The following TXNRD3 variants were observed in gnomAD, a reference collection of about 807,000 sequenced individuals.
The protein encoded by TXNRD3 is TXNRD3 neighbor gene protein.
In TXNRD3, 68 loss-of-function variants were observed where a neutral mutation model predicts 78.2. The ratio of observed to expected loss-of-function variants is 0.87; its 90% confidence interval spans 0.72 to 1.06. The LOEUF (loss-of-function observed/expected upper bound fraction) is 1.06. TXNRD3 is among the 50% of genes least tolerant of loss of function. The probability of loss-of-function intolerance (pLI) is 0.00; values close to 1 mark genes in which losing one functional copy is unlikely to be tolerated. For synonymous variants in TXNRD3, 296 were observed against 300.1 expected, an observed-to-expected ratio of 0.99 and a Z score of 0.14; for missense variants, 751 against 809.5, an observed-to-expected ratio of 0.93 and a Z score of 0.88.
At position 126,630,923 on chromosome 3, in the gene TXNRD3, GA is replaced by G. The variant is rs1559775443; in HGVS notation, c.985del (p.Ser329LeufsTer10). On this transcript the variant is annotated frameshift_variant, in exon 9 of 16. Transcript: ENST00000524230. LOFTEE classifies it high-confidence loss of function. ...TGTTTTGCCAGGGCAATAAGGCAGAGAAAAAAGGTCATCACTGAAAAATAAA... is the reference window on the plus strand; with the variant it reads ...TGTTTTGCCAGGGCAATAAGGCAGAGAAAAAGGTCATCACTGAAAAATAAA... 3.3e-6 allele frequency: 5 copies of G among 1,531,534 alleles called. No homozygotes were observed. In the Admixed American group the frequency reaches 8.0e-5, roughly 25 times the overall value. The allele number at this position is 1,531,534 out of a possible 1,614,324, so 94.9% of individuals were successfully genotyped here.
chr3:126,628,498 A>C (rs1248505013), intron 10 of TXNRD3, among the ~76,000 whole-genome samples: 2 of 152,138 alleles, frequency 1.3e-5, no homozygotes, highest in East Asian at 3.8e-4. Context: ...AAATCAAAAC[A>C]CAAAAATGAG....
At position 126,654,809 on chromosome 3, in the gene TXNRD3, C is replaced by G; in HGVS notation, c.182G>C (p.Gly61Ala). 2.8e-6 allele frequency: 4 copies of G among 1,425,560 alleles called. No homozygotes were observed. Among genetic ancestry groups the G allele is most frequent in the Non-Finnish European group, 3.7e-6 (4 of 1,090,568 alleles). The allele number at this position is 1,425,560 out of a possible 1,614,324, so 88.3% of individuals were successfully genotyped here. Residue 61 changes from glycine (G) to alanine (A), a missense_variant, in exon 1 of 16, where the codon GGC becomes GCC. Transcript: ENST00000524230. ...CACCACCCGGCTGCGCTCGATGAGG[C>G]CCACGAGGTGGCGGCGCAGCTCCTC...
Position 126,629,460 on chromosome 3 carries a change from C to T in TXNRD3, c.1209G>A (p.Leu403=), listed in dbSNP as rs543296359. 21 of 1,534,880 alleles carry T rather than the reference C, an allele frequency of 1.4e-5. No homozygotes were observed. Among genetic ancestry groups the T allele is most frequent in the Non-Finnish European group, 1.7e-5 (20 of 1,146,156 alleles). ...TCAGCTTTCCAGGTGAACCTTTCTC[C>T]AACTGTTGAACCTAGTAAGAATGAA... is the stretch of plus-strand genomic sequence containing the variant. Residue 403 remains leucine, a synonymous_variant, in exon 10 of 16, where the codon TTG becomes TTA. Coordinates refer to ENST00000524230, the MANE Select transcript of TXNRD3 (RefSeq NM_052883.3).
At chr3:126,617,288 A>G (rs1220247673) in intron 12 of TXNRD3, among the ~76,000 whole-genome samples, 2 of 152,098 alleles carry the variant, frequency 1.3e-5, no homozygotes, top group East Asian at 3.9e-4. Flanking sequence ...CCTCCTCCCC[A>G]CAGTCACCAT....
intron 9 of TXNRD3, 53 bp from the exon 10 acceptor site, chr3:126,629,524 T>C (rs1938662060): frequency 3.6e-6 from 5 of 1,373,556 alleles, no homozygotes; most frequent in Non-Finnish European, 5.0e-6. Flanking sequence ...AAAAAAGAAA[T>C]ACACGAAAGG....
chr3:126,630,674 G>A (rs1257962447), intron 9 of TXNRD3, 38 bp downstream of exon 9: 7 of 1,510,590 alleles, frequency 4.6e-6, no homozygotes, highest in Non-Finnish European at 6.2e-6. Context: ...AAAGTGAAAA[G>A]TTAGAGAAAA....
At chr3:126,648,791 A>AT (rs1404401770) in intron 1 of TXNRD3, among the ~76,000 whole-genome samples, 1 of 152,226 alleles carries the variant, frequency 6.6e-6, no homozygotes, top group Non-Finnish European at 1.5e-5. Flanking sequence ...TTTGACAATG[A>AT]TTTTATGGAT....
intron 7 of TXNRD3, among the ~76,000 whole-genome samples, chr3:126,632,850 T>C (rs1355725928): frequency 6.6e-6 from 1 of 152,090 alleles, no homozygotes; most frequent in Non-Finnish European, 1.5e-5. Context: ...GTACAGGCTC[T>C]GGGGTGAAAC....
intron 1 of TXNRD3, 45 bp from the exon 2 acceptor site, chr3:126,647,341 A>G (rs2107628481): frequency 7.5e-7 from 1 of 1,334,164 alleles, no homozygotes; most frequent in Non-Finnish European, 1.0e-6. Context: ...AAAAGATTCA[A>G]CAGCTATGAA....
intron 1 of TXNRD3, among the ~76,000 whole-genome samples, chr3:126,652,056 T>C (rs754189712): frequency 3.3e-5 from 5 of 152,198 alleles, no homozygotes; most frequent in Non-Finnish European, 5.9e-5. Context: ...TAAAGAAATA[T>C]GAGACTGGGT....
chr3:126,623,083 T>C (rs1938494653), intron 10 of TXNRD3, among the ~76,000 whole-genome samples: 1 of 152,192 alleles, frequency 6.6e-6, no homozygotes, highest in African/African-American at 2.4e-5. Flanking sequence ...CCCTGGTCTG[T>C]GGTACTCTTC....
In TXNRD3 at chr3:126,652,736, G is replaced by A. The variant is rs116267101; in HGVS notation, c.243+2012C>T. Among the ~76,000 whole-genome samples the A allele has an allele frequency of 2.6e-3, 393 of 152,274 alleles. 1 individual carries two copies. The highest frequency in any genetic ancestry group is 3.7e-3 in the Non-Finnish European group (253 of 68,014). ...GGTGTCCCAGCCAGGTTTGGATCCC[G>A]CCTAACACCCTGAGCTGTCAAGATA... On this transcript the variant is annotated intron_variant, in intron 1 of 15. Coordinates refer to ENST00000524230, the MANE Select transcript of TXNRD3 (RefSeq NM_052883.3).
chr3:126,634,111 C>T (rs1424647668), intron 6 of TXNRD3, 60 bp from the exon 7 acceptor site: 2 of 1,362,530 alleles, frequency 1.5e-6, no homozygotes, highest in Non-Finnish European at 9.5e-7. Context: ...TGGTAAATTA[C>T]ATATAACCAC....
At chr3:126,624,528 C>T (rs2107615720) in intron 10 of TXNRD3, among the ~76,000 whole-genome samples, 1 of 151,972 alleles carries the variant, frequency 6.6e-6, no homozygotes, top group Non-Finnish European at 1.5e-5. Context: ...TCACGCCATT[C>T]TCCTGCCTCA....
chr3:126,608,086 C>G, intron 15 of TXNRD3, 113 bp from the exon 16 acceptor site: 1 of 771,500 alleles, frequency 1.3e-6, no homozygotes, highest in South Asian at 2.7e-5. Context: ...TCTGGCCAGG[C>G]ATGGTGGCTC....
intron 12 of TXNRD3, among the ~76,000 whole-genome samples, chr3:126,619,259 C>G (rs192639987): frequency 1.3e-5 from 2 of 152,212 alleles, no homozygotes; most frequent in East Asian, 3.9e-4. Flanking sequence ...TATCTGCACA[C>G]CCATGTTTAC....
intron 12 of TXNRD3, among the ~76,000 whole-genome samples, chr3:126,619,458 C>T (rs562858964): frequency 6.6e-6 from 1 of 152,214 alleles, no homozygotes; most frequent in South Asian, 2.1e-4. Flanking sequence ...AAGTTGGGCA[C>T]AGAAAGACAA....
At position 126,642,151 on chromosome 3, in the gene TXNRD3, C is replaced by T. The variant is rs1275402321; in HGVS notation, c.593G>A (p.Gly198Asp). Reference sequence around the variant, plus strand: ...TACATTTACACAAGTGCCACCAAGACCTGAGGAAGAAAATAAGTTTTAATG... The same window carrying T: ...TACATTTACACAAGTGCCACCAAGATCTGAGGAAGAAAATAAGTTTTAATG... The change falls in exon 6 of 16, where the codon GGT becomes GAT. Residue 198 changes from glycine (G) to aspartate (D), a missense_variant and splice_region_variant. Gly to Asp is a moderately conservative substitution (Grantham distance 94). Coordinates refer to ENST00000524230, the MANE Select transcript of TXNRD3 (RefSeq NM_052883.3). 1.3e-6 allele frequency: 2 copies of T among 1,530,840 alleles called. No homozygotes were observed. Among genetic ancestry groups the T allele is most frequent in the Non-Finnish European group, 1.7e-6 (2 of 1,145,466 alleles). 94.8% of individuals were successfully genotyped at this position (1,530,840 alleles called of 1,614,324 possible).
At position 126,644,356 on chromosome 3, in the gene TXNRD3, C is replaced by G. The variant is rs114444531; in HGVS notation, c.460G>C (p.Ala154Pro). Reference sequence around the variant, plus strand: ...ATGATGATGAGATCATAATCATATGCCAAATCTTCCTGAAGGAGCTTCTGT... The same window carrying G: ...ATGATGATGAGATCATAATCATATGGCAAATCTTCCTGAAGGAGCTTCTGT... The change falls in exon 4 of 16, where the codon GCA becomes CCA. Residue 154 changes from alanine (A) to proline (P), a missense_variant. By Grantham distance (27) the Ala-to-Pro change is conservative. Coordinates refer to ENST00000524230, the MANE Select transcript of TXNRD3 (RefSeq NM_052883.3). 40,495 of 1,536,180 alleles carry G rather than the reference C, an allele frequency of 0.026. 688 individuals are homozygous for G. Among genetic ancestry groups the G allele is most frequent in the Middle Eastern group, 0.055 (328 of 5,986 alleles).
Sources: allele counts gnomAD v4.1 joint callset (sites outside exome capture counted in the v4.1 genomes callset), GRCh38; gene constraint gnomAD v4.1.1; transcripts MANE v1.5; gene names NCBI Gene and HGNC (gene_info 2026-07-23, HGNC 2026-07-21).